PCDHGB1: variants seen among roughly 807,000 people sequenced by gnomAD.
PCDHGB1 encodes protocadherin gamma subfamily B, 1.
Under a neutral mutation model 56.6 loss-of-function variants are expected in PCDHGB1, and 34 were observed. That is an observed-to-expected ratio of 0.60 (90% confidence interval 0.46 to 0.80). The LOEUF (loss-of-function observed/expected upper bound fraction) is 0.80, where lower values mean the gene tolerates loss of function less well. PCDHGB1 is among the 30% of genes least tolerant of loss of function. The pLI, the probability that PCDHGB1 is intolerant of heterozygous loss-of-function variation, is 0.00. For missense variants in PCDHGB1, 1,278 were observed against 1,204.6 expected, an observed-to-expected ratio of 1.06 and a Z score of -0.90; for synonymous variants, 561 against 505.9, an observed-to-expected ratio of 1.11 and a Z score of -1.46.
At chr5:141,426,879 G>C (rs1222564201) in intron 1 of PCDHGB1, 3 of 456,710 alleles carry the variant, frequency 6.6e-6, no homozygotes, top group Non-Finnish European at 1.3e-5. Context: ...GAAGCCCCTG[G>C]GCCAGGAGCA....
intron 3 of PCDHGB1, among the ~76,000 whole-genome samples, 153 bp from the exon 4 acceptor site, chr5:141,510,790 GAAGA>G (rs982513431): frequency 6.6e-5 from 10 of 152,264 alleles, no homozygotes; most frequent in African/African-American, 2.4e-4. Context: ...CAACTCTTGT[GAAGA>G]GAGACTACCT....
rs748394772 is a variant in PCDHGB1 at position 141,362,014 on chromosome 5, C to T, written c.2409+9345C>T. 3.1e-6 allele frequency: 5 copies of T among 1,605,936 alleles called. No individual in the cohort carries two copies. The East Asian group carries it at 6.7e-5, about 22-fold the overall frequency. Reference sequence around the variant, plus strand: ...CCTGGGGTTGCGCACGGGTGAGGTGCGCACAGCGCGTGCCTTGGGCGACAG... The same window carrying T: ...CCTGGGGTTGCGCACGGGTGAGGTGTGCACAGCGCGTGCCTTGGGCGACAG... On this transcript the variant is annotated intron_variant, in intron 1 of 3. Coordinates refer to ENST00000523390, the MANE Select transcript of PCDHGB1 (RefSeq NM_018922.3).
intron 1 of PCDHGB1, among the ~76,000 whole-genome samples, chr5:141,450,826 A>T (rs965147554): frequency 1.9e-4 from 26 of 134,356 alleles, no homozygotes; most frequent in East Asian, 6.4e-4. Context: ...TATTATTATT[A>T]TTATTTTTTT....
chr5:141,352,671 T>C lies in PCDHGB1; in HGVS notation c.2409+2T>C. Reference sequence around the variant, plus strand: ...TATGACCCTTCTTTGTCTTCGCACGTGAGTTTCTGCAAATCTAGTTAAATT... The same window carrying C: ...TATGACCCTTCTTTGTCTTCGCACGCGAGTTTCTGCAAATCTAGTTAAATT... On this transcript the variant is annotated splice_donor_variant, in intron 1 of 3. Transcript: ENST00000523390. LOFTEE classifies it high-confidence loss of function. The C allele has an allele frequency of 6.3e-7, 1 of 1,579,386 alleles. No homozygotes were observed. Among genetic ancestry groups the C allele is most frequent in the Non-Finnish European group, 8.6e-7 (1 of 1,161,618 alleles).
chr5:141,443,136 C>T (rs910953831), intron 1 of PCDHGB1, among the ~76,000 whole-genome samples: 1 of 152,160 alleles, frequency 6.6e-6, no homozygotes, highest in African/African-American at 2.4e-5. Context: ...AGAACACTAT[C>T]ATAAGTTATA....
At chr5:141,380,349 GT>G (rs1776403876) in intron 1 of PCDHGB1, among the ~76,000 whole-genome samples, 1 of 152,006 alleles carries the variant, frequency 6.6e-6, no homozygotes, top group South Asian at 2.1e-4. Flanking sequence ...CTGTTTTGTT[GT>G]TTGTTTTTTA....
In PCDHGB1 at chr5:141,423,110, G is replaced by A. The variant is rs62621243; in HGVS notation, c.2409+70441G>A. On this transcript the variant is annotated intron_variant, in intron 1 of 3. Coordinates refer to ENST00000523390, the MANE Select transcript of PCDHGB1 (RefSeq NM_018922.3). ...GTGGGGGAGCACACGGGCGAGGTGC[G>A]TACAGCGCGGGCACTGCTGGACAGA... The A allele has an allele frequency of 0.016, 25,324 of 1,613,842 alleles. 257 individuals carry two copies. Among genetic ancestry groups the A allele is most frequent in the Non-Finnish European group, 0.019 (22,060 of 1,179,980 alleles).
At chr5:141,504,302 C>T (rs969760258) in intron 2 of PCDHGB1, among the ~76,000 whole-genome samples, 9 of 152,004 alleles carry the variant, frequency 5.9e-5, no homozygotes, top group African/African-American at 1.5e-4. Context: ...TTTCAACACT[C>T]GGAGTTTCTA....
intron 1 of PCDHGB1, chr5:141,404,461 C>T: frequency 1.2e-6 from 2 of 1,613,208 alleles, no homozygotes; most frequent in Non-Finnish European, 1.7e-6. Flanking sequence ...CTCTCTCCAC[C>T]TATGTCTCTA....
intron 1 of PCDHGB1, among the ~76,000 whole-genome samples, chr5:141,386,242 G>A (rs1359369432): frequency 1.3e-5 from 2 of 152,146 alleles, no homozygotes; most frequent in Non-Finnish European, 2.9e-5. Flanking sequence ...AATTCAGTTG[G>A]AAATAACCCA....
rs748596533 is a variant in PCDHGB1, at chr5:141,351,265, C to T, written c.1005C>T (p.Asp335=). ...GTAATGTTCAAATAGAAATTGTTGA[C>T]GAGAATGACAATGCCCCAGAGGTGA... ...AHCNVQIEIV[D]ENDNAPEVTF... The change falls in exon 1 of 4, where the codon GAC becomes GAT. Residue 335 remains aspartate, a synonymous_variant. Transcript: ENST00000523390. 4 of 1,613,896 alleles carry T rather than the reference C, an allele frequency of 2.5e-6. No homozygotes were observed. Among genetic ancestry groups the T allele is most frequent in the Admixed American group, 1.7e-5 (1 of 60,016 alleles).
intron 1 of PCDHGB1, among the ~76,000 whole-genome samples, chr5:141,381,826 CTTTTTTTTT>C (rs770630741): frequency 5.4e-5 from 4 of 74,286 alleles, no homozygotes; most frequent in African/African-American, 2.5e-4. Flanking sequence ...CTTTCTTCTT[CTTTTTTTTT>C]TTTTTTTTTT....
chr5:141,387,088 C>T (rs2090815090), intron 1 of PCDHGB1, among the ~76,000 whole-genome samples: 2 of 152,074 alleles, frequency 1.3e-5, no homozygotes, highest in Non-Finnish European at 1.5e-5. Context: ...CTGTGATCAT[C>T]GAAATGAGAA....
intron 1 of PCDHGB1, chr5:141,410,847 G>GTA: frequency 1.9e-5 from 3 of 158,244 alleles, no homozygotes; most frequent in East Asian, 1.3e-4. Flanking sequence ...TTTTGTCTTT[G>GTA]TCTTTTTTTT....
chr5:141,481,913 CAA>C (rs34114744), intron 1 of PCDHGB1, among the ~76,000 whole-genome samples: 12,059 of 90,730 alleles, frequency 0.13, 576 homozygotes, highest in African/African-American at 0.21. Flanking sequence ...AACTCCATCT[CAA>C]AAAAAAAAAA....
rs189413445 is a variant in PCDHGB1 at position 141,351,476 on chromosome 5, C to T, written c.1216C>T (p.Leu406=). 164 of 1,613,814 alleles carry T rather than the reference C, an allele frequency of 1.0e-4. No homozygotes were observed. Among genetic ancestry groups the T allele is most frequent in the Middle Eastern group, 9.9e-4 (6 of 6,062 alleles). Residue 406 remains leucine, a synonymous_variant, in exon 1 of 4, where the codon CTA becomes TTA. Transcript: ENST00000523390. ...NYYKLVIAGA[L]NREQTADYNV... ...TTACAAGCTGGTGATTGCTGGAGCC[C>T]TAAACCGGGAGCAGACAGCAGACTA...
At chr5:141,387,323 G>T (rs2090908841) in intron 1 of PCDHGB1, among the ~76,000 whole-genome samples, 1 of 152,154 alleles carries the variant, frequency 6.6e-6, no homozygotes, top group South Asian at 2.1e-4. Context: ...AGTAAGTATG[G>T]AAAATTACTG....
chr5:141,374,196 A>T, intron 1 of PCDHGB1: 1 of 1,613,838 alleles, frequency 6.2e-7, no homozygotes, highest in Non-Finnish European at 8.5e-7. Flanking sequence ...ATTCCCGAGG[A>T]GCTGGAGAAA....
chr5:141,466,016 G>A (rs1592991828), intron 1 of PCDHGB1, among the ~76,000 whole-genome samples: 2 of 152,032 alleles, frequency 1.3e-5, no homozygotes, highest in East Asian at 3.9e-4. Flanking sequence ...CAGCTACTCG[G>A]GAGGGTGAGG....
Sources: allele counts gnomAD v4.1 joint callset (sites outside exome capture counted in the v4.1 genomes callset), GRCh38; gene constraint gnomAD v4.1.1; transcripts MANE v1.5; gene names NCBI Gene and HGNC (gene_info 2026-07-23, HGNC 2026-07-21).